GAS6: variants seen among roughly 807,000 people sequenced by gnomAD.
GAS6 encodes the protein growth arrest-specific protein 6.
Under a neutral mutation model 75.8 loss-of-function variants are expected in GAS6, and 41 were observed. The observed-to-expected ratio is 0.54, with a 90% CI of 0.42 to 0.70. The LOEUF (loss-of-function observed/expected upper bound fraction) is 0.70, where lower values mean the gene tolerates loss of function less well. Among genes scored for constraint, GAS6 ranks in the 30% least tolerant of loss-of-function variants. GAS6 has a pLI of 0.00. For missense variants in GAS6, 854 were observed against 940.2 expected (o/e 0.91, Z 1.20); for synonymous variants, 432 against 412.6 (o/e 1.05, Z -0.57).
intron 2 of GAS6, among the ~76,000 whole-genome samples, chr13:113,862,019 C>G (rs528578436): frequency 6.6e-6 from 1 of 152,166 alleles, no homozygotes; most frequent in African/African-American, 2.4e-5. Flanking sequence ...GTGACGCAAC[C>G]GCAGTTGTAT....
chr13:113,829,487 TG>T (rs2051601781), intron 10 of GAS6, among the ~76,000 whole-genome samples: 1 of 142,664 alleles, frequency 7.0e-6, no homozygotes, highest in African/African-American at 2.7e-5. Flanking sequence ...GATCCTCACC[TG>T]GGCCAAGAGG....
intron 11 of GAS6, among the ~76,000 whole-genome samples, chr13:113,828,133 G>A (rs540495810): frequency 7.9e-5 from 12 of 152,220 alleles, no homozygotes; most frequent in South Asian, 4.2e-4. Context: ...ACGTGGTGGC[G>A]GGCGCCTGTA....
intron 2 of GAS6, among the ~76,000 whole-genome samples, chr13:113,860,663 T>C (rs753110506): frequency 6.6e-5 from 10 of 151,288 alleles, no homozygotes; most frequent in Non-Finnish European, 1.5e-4. Flanking sequence ...AACAACAATA[T>C]AAAAAGGAAA....
Position 113,863,044 on chromosome 13 carries a change from G to C in GAS6, c.255+531C>G, listed in dbSNP as rs1421656172. Among the ~76,000 whole-genome samples the C allele has an allele frequency of 1.3e-5, 2 of 152,164 alleles. No individual in the cohort carries two copies. Among genetic ancestry groups the C allele is most frequent in the Non-Finnish European group, 2.9e-5 (2 of 68,032 alleles). On this transcript the variant is annotated intron_variant, in intron 2 of 14. Transcript: ENST00000327773. This position sits in a 1 kb window ranked among gnomAD's most constrained non-coding sequence, Gnocchi z 9.4. ...CTGAAAGCACCCGCTGCCTCCAGGA[G>C]AGCACCTGGCAGAACGGGGCCGCGG...
At chr13:113,833,700 C>T in intron 8 of GAS6, 7 of 999,720 alleles carry the variant, frequency 7.0e-6, no homozygotes, top group Non-Finnish European at 8.3e-6. Context: ...GTCAGTGTGA[C>T]AGGCAGTGGT....
At chr13:113,860,141 A>G (rs1370569770) in intron 2 of GAS6, among the ~76,000 whole-genome samples, 1 of 152,206 alleles carries the variant, frequency 6.6e-6, no homozygotes, top group Non-Finnish European at 1.5e-5. Flanking sequence ...ACTGGGACAG[A>G]GAGAGAAACA....
At chr13:113,842,470 C>T (rs2051796495) in intron 4 of GAS6, 2 of 395,688 alleles carry the variant, frequency 5.1e-6, no homozygotes, top group South Asian at 1.4e-4. Flanking sequence ...GGGGCCCCAT[C>T]CCTGACACTG....
At chr13:113,835,107 TC>T (rs984952858) in intron 7 of GAS6, among the ~76,000 whole-genome samples, 2 of 152,184 alleles carry the variant, frequency 1.3e-5, no homozygotes, top group Admixed American at 1.3e-4. Context: ...GCCCCACTGT[TC>T]CCATCACTGG....
rs1384166427 is a variant in GAS6, at chr13:113,832,304, G to C, written c.1138C>G (p.Gln380Glu). The change falls in exon 10 of 15, where the codon CAG becomes GAG. Residue 380 changes from glutamine (Q) to glutamate (E), a missense_variant. Coordinates refer to ENST00000327773, the MANE Select transcript of GAS6 (RefSeq NM_000820.4). The stretch of plus-strand genomic sequence containing the variant: ...GGTGGCTGCCGCACACTCACTGTCT[G>C]CCACATGCCATGGTTGATGACCGGG... ...SGPVINHGMW[Q>E]TISVEELARN... The C allele has an allele frequency of 1.9e-6, 3 of 1,597,918 alleles. No homozygotes were observed. Among genetic ancestry groups the C allele is most frequent in the Non-Finnish European group, 2.5e-6 (3 of 1,179,656 alleles).
chr13:113,840,763 C>G (rs1162378192), intron 4 of GAS6: 2 of 152,242 alleles, frequency 1.3e-5, no homozygotes, highest in Non-Finnish European at 2.9e-5. Flanking sequence ...TGGCAGTGCT[C>G]AGGGGCGCGG....
intron 8 of GAS6, 109 bp downstream of exon 8, chr13:113,834,436 TCCCCAA>T (rs140224851): frequency 0.012 from 13,361 of 1,122,556 alleles, 110 homozygotes; most frequent in Non-Finnish European, 0.014. Flanking sequence ...GCCCTGGAGA[TCCCCAA>T]CACCTTAGCA....
At chr13:113,821,237 T>G (rs2051453807) in intron 14 of GAS6, 2 of 584,396 alleles carry the variant, frequency 3.4e-6, no homozygotes, top group African/African-American at 3.7e-5. Flanking sequence ...ACGCCAGCCC[T>G]CCCTTCCCCG....
At chr13:113,850,616 T>C (rs1315080108) in intron 2 of GAS6, among the ~76,000 whole-genome samples, 5 of 152,154 alleles carry the variant, frequency 3.3e-5, no homozygotes, top group Non-Finnish European at 5.9e-5. Flanking sequence ...AAAGACAACA[T>C]CTACCTGCCC....
In GAS6 at chr13:113,834,610, T is replaced by C. The variant is rs201106944; in HGVS notation, c.775A>G (p.Thr259Ala). 5 of 1,548,106 alleles carry C rather than the reference T, an allele frequency of 3.2e-6. No individual in the cohort carries two copies. Among genetic ancestry groups the C allele is most frequent in the Non-Finnish European group, 4.3e-6 (5 of 1,152,182 alleles). The change falls in exon 8 of 15, where the codon ACC (threonine) becomes GCC (alanine). Residue 259 changes from threonine to alanine, a missense_variant. Physicochemically the swap from Thr to Ala is moderately conservative, Grantham distance 58. Coordinates refer to ENST00000327773, the MANE Select transcript of GAS6 (RefSeq NM_000820.4). ...CCCCCACGCCCGTCACAGTGGCAGGTGTAGCTCCCTGGGGAGTTCACGCAG... is the reference window on the plus strand; with the variant it reads ...CCCCCACGCCCGTCACAGTGGCAGGCGTAGCTCCCTGGGGAGTTCACGCAG... ...QVCVNSPGSY[T>A]CHCDGRGGLK...
intron 2 of GAS6, among the ~76,000 whole-genome samples, chr13:113,859,679 G>GGT (rs944294039): frequency 6.6e-6 from 1 of 152,092 alleles, no homozygotes; most frequent in African/African-American, 2.4e-5. Flanking sequence ...TCTAGGTAGG[G>GGT]GTGTGTGTGT....
chr13:113,825,045 C>G (rs768584427), intron 12 of GAS6, among the ~76,000 whole-genome samples: 16 of 151,862 alleles, frequency 1.1e-4, no homozygotes, highest in Middle Eastern at 3.4e-3. Context: ...ATGGAGAAAC[C>G]CCATCTCTAC....
chr13:113,833,236 G>T (rs2051652182), intron 8 of GAS6: 16 of 1,066,518 alleles, frequency 1.5e-5, no homozygotes, highest in Non-Finnish European at 1.8e-5. Flanking sequence ...GCTGAGCCAG[G>T]CCTGCCCTGC....
intron 5 of GAS6, 67 bp downstream of exon 5, chr13:113,839,661 A>G: frequency 6.3e-7 from 1 of 1,580,596 alleles, no homozygotes; most frequent in African/African-American, 1.3e-5. Flanking sequence ...AGTGGGAGTG[A>G]GGAGCGGGGA....
At chr13:113,826,105 C>T (rs529493442) in intron 12 of GAS6, among the ~76,000 whole-genome samples, 1 of 152,292 alleles carries the variant, frequency 6.6e-6, no homozygotes, top group South Asian at 2.1e-4. Flanking sequence ...CAGCAGCACC[C>T]CCGGAGCCTG....
Sources: allele counts gnomAD v4.1 joint callset (sites outside exome capture counted in the v4.1 genomes callset), GRCh38; gene constraint gnomAD v4.1.1; non-coding constraint Gnocchi (gnomAD v3.1); transcripts MANE v1.5; gene names NCBI Gene and HGNC (gene_info 2026-07-23, HGNC 2026-07-21).